MTMR3: variants seen among roughly 807,000 people sequenced by gnomAD.
The protein encoded by MTMR3 is phosphatidylinositol-3,5-bisphosphate 3-phosphatase MTMR3.
In MTMR3, 32 loss-of-function variants were observed where a neutral mutation model predicts 132.4. That is an observed-to-expected ratio of 0.24 (90% CI 0.18 to 0.32). The LOEUF (loss-of-function observed/expected upper bound fraction) is 0.32. Among genes scored for constraint, MTMR3 ranks in the 10% least tolerant of loss-of-function variants. The probability of loss-of-function intolerance (pLI) is 1.00; values close to 1 mark genes in which losing one functional copy is unlikely to be tolerated. For missense variants in MTMR3, 1,216 were observed against 1,489.6 expected (o/e 0.82, Z 3.02); for synonymous variants, 556 against 550.3 (o/e 1.01, Z -0.14).
In MTMR3 at chr22:29,941,143, C is replaced by G. The variant is rs71331221; in HGVS notation, c.-137-15893C>G. On this transcript the variant is annotated intron_variant, in intron 1 of 19. Transcript: ENST00000401950. ...AAAAATTAGTTTCGTCCTTGAACTT[C>G]ATGTAAATGGAATCATACAATATTC... Among the ~76,000 whole-genome samples, 1,436 of 151,516 alleles carry G rather than the reference C, an allele frequency of 9.5e-3. 34 individuals carry two copies. The highest frequency in any genetic ancestry group is 0.027 in the Middle Eastern group (8 of 294).
At chr22:29,927,357 A>G (rs2065537377) in intron 1 of MTMR3, among the ~76,000 whole-genome samples, 1 of 152,088 alleles carries the variant, frequency 6.6e-6, no homozygotes, top group Non-Finnish European at 1.5e-5. Flanking sequence ...TTGCACATGA[A>G]TTTTAGGATC....
intron 2 of MTMR3, among the ~76,000 whole-genome samples, chr22:29,968,228 C>T (rs1422179345): frequency 6.6e-6 from 1 of 152,152 alleles, no homozygotes; most frequent in Non-Finnish European, 1.5e-5. Context: ...TTCACCTTCA[C>T]ATTCCATCTA....
chr22:29,931,013 G>GA lies in MTMR3; in HGVS notation c.-137-26004dup, dbSNP rs963131752. 9.5e-3 allele frequency among the ~76,000 whole-genome samples: 680 copies of GA among 71,680 alleles called. 1 individual carries two copies. Among genetic ancestry groups the GA allele is most frequent in the Middle Eastern group, 0.034 (4 of 116 alleles). 47.0% of individuals were successfully genotyped at this position (71,680 alleles called of 152,430 possible). Reference sequence around the variant, plus strand: ...CAGAGTGTGAGACGCTGTCTCAAAAGAAAAAAAAAAAAAAAAAAACTTAAA... The same window carrying GA: ...CAGAGTGTGAGACGCTGTCTCAAAAGAAAAAAAAAAAAAAAAAAAACTTAAA... On this transcript the variant is annotated intron_variant, in intron 1 of 19. Coordinates refer to ENST00000401950, the MANE Select transcript of MTMR3 (RefSeq NM_021090.4).
intron 1 of MTMR3, among the ~76,000 whole-genome samples, chr22:29,888,308 A>G (rs1349028105): frequency 6.6e-6 from 1 of 152,058 alleles, no homozygotes; most frequent in African/African-American, 2.4e-5. Context: ...TGGCCTCCCA[A>G]AGTGCTGGGA....
At chr22:29,902,413 T>G (rs2065018421) in intron 1 of MTMR3, among the ~76,000 whole-genome samples, 1 of 150,756 alleles carries the variant, frequency 6.6e-6, no homozygotes. Context: ...AAAGTTTTTT[T>G]TTTTTTTTTT....
intron 1 of MTMR3, among the ~76,000 whole-genome samples, chr22:29,931,668 C>T (rs1451852451): frequency 1.3e-5 from 2 of 152,138 alleles, no homozygotes; most frequent in Admixed American, 1.3e-4. Flanking sequence ...CTGCCTTGGC[C>T]TTCCAAAGTG....
At chr22:29,953,196 A>C (rs1044713485) in intron 1 of MTMR3, among the ~76,000 whole-genome samples, 10 of 152,214 alleles carry the variant, frequency 6.6e-5, no homozygotes, top group African/African-American at 2.4e-4. Flanking sequence ...TGTAGAAAGT[A>C]TTCTGTTGTT....
At chr22:29,969,085 T>A (rs905393638) in intron 2 of MTMR3, among the ~76,000 whole-genome samples, 7 of 152,234 alleles carry the variant, frequency 4.6e-5, no homozygotes, top group Non-Finnish European at 1.0e-4. Context: ...ATCTTCTTGA[T>A]CTCTAGTCTG....
Position 30,025,534 on chromosome 22 carries a change from C to A in MTMR3, c.3426-96C>A, listed in dbSNP as rs1368074553. 32 of 1,337,036 alleles carry A rather than the reference C, an allele frequency of 2.4e-5. 2 individuals carry two copies. The Admixed American group carries it at 5.7e-4, about 24-fold the overall frequency. 82.8% of individuals were successfully genotyped at this position (1,337,036 alleles called of 1,614,324 possible). A position where few individuals can be genotyped will look rare whatever the true frequency, so the allele number is the denominator to read the frequency against. ...TGATCTCAAGGAGCTCCAGCACATG[C>A]AAATTACACACGGCAAAGTTTGTCT... On this transcript the variant is annotated intron_variant, in intron 19 of 19. Transcript: ENST00000401950.
chr22:30,022,709 G>A lies in MTMR3; in HGVS notation c.3425+12G>A, dbSNP rs771214204. 8.7e-6 allele frequency: 14 copies of A among 1,602,078 alleles called. No individual in the cohort carries two copies. The highest frequency in any genetic ancestry group is 1.2e-5 in the Non-Finnish European group (14 of 1,177,584). On this transcript the variant is annotated intron_variant, in intron 19 of 19. Coordinates refer to ENST00000401950, the MANE Select transcript of MTMR3 (RefSeq NM_021090.4). ...AAGCACCACTGCAGGTACCATTGAG[G>A]GGCTGTGGTAGGGTGGGCTGTGTGT...
At chr22:29,912,654 C>T (rs1431389663) in intron 1 of MTMR3, among the ~76,000 whole-genome samples, 1 of 152,118 alleles carries the variant, frequency 6.6e-6, no homozygotes, top group Non-Finnish European at 1.5e-5. Flanking sequence ...CCCCATTTGC[C>T]TGGAGGTAAT....
intron 1 of MTMR3, among the ~76,000 whole-genome samples, chr22:29,902,846 A>G (rs556746364): frequency 6.6e-6 from 1 of 152,304 alleles, no homozygotes; most frequent in South Asian, 2.1e-4. Context: ...TTAATAAATT[A>G]TCTTCTTTGT....
At chr22:29,896,921 C>T (rs553017241) in intron 1 of MTMR3, among the ~76,000 whole-genome samples, 2 of 105,424 alleles carry the variant, frequency 1.9e-5, no homozygotes, top group East Asian at 5.7e-4. Context: ...ACACAAATCC[C>T]ATATAGAATC....
Position 29,957,089 on chromosome 22 carries a change from G to C in MTMR3, c.-85+1G>C, listed in dbSNP as rs974830368. 1 of 152,094 alleles carries C rather than the reference G, an allele frequency of 6.6e-6. No individual in the cohort carries two copies. The highest frequency in any genetic ancestry group is 1.5e-5 in the Non-Finnish European group (1 of 68,006). The allele number at this position is 152,094 out of a possible 1,614,324, so 9.4% of individuals were successfully genotyped here. On this transcript the variant is annotated splice_donor_variant, in intron 2 of 19. Transcript: ENST00000401950. LOFTEE classifies it low-confidence loss of function (5UTR_SPLICE). ...AAGTTCTTGGGACAAACTTCATTTG[G>C]TAAGTTTGTTTCTCCCCTCCTGCCA...
At chr22:29,931,491 T>C (rs2065642878) in intron 1 of MTMR3, among the ~76,000 whole-genome samples, 1 of 152,204 alleles carries the variant, frequency 6.6e-6, no homozygotes, top group African/African-American at 2.4e-5. Context: ...GCATGATCAC[T>C]GCAACTTCCG....
chr22:29,905,821 A>G (rs557837525), intron 1 of MTMR3, among the ~76,000 whole-genome samples: 2 of 152,232 alleles, frequency 1.3e-5, no homozygotes, highest in African/African-American at 4.8e-5. Context: ...TTTGGTGCAT[A>G]TTTTAAATTT....
chr22:29,994,788 G>A (rs569725979), intron 7 of MTMR3: 2 of 152,332 alleles, frequency 1.3e-5, no homozygotes, highest in South Asian at 4.1e-4. Flanking sequence ...TGTTGAACCG[G>A]TCATAGTTAA....
rs772808180 is a variant in MTMR3, at chr22:30,013,435, C to T, written c.1397C>T (p.Ser466Leu). The part of the protein sequence containing the change: ...FADRCGHGEN[S>L]DDLNERCPVF... ...GACCGGTGTGGTCATGGGGAGAACT[C>T]GGATGATCTGAATGAACGTTGCCCA... Residue 466 changes from serine (S) to leucine (L), a missense_variant, in exon 14 of 20, where the codon TCG becomes TTG. By Grantham distance (145) the Ser-to-Leu change is moderately radical. Coordinates refer to ENST00000401950, the MANE Select transcript of MTMR3 (RefSeq NM_021090.4). 3.6e-5 allele frequency: 58 copies of T among 1,614,064 alleles called. No individual in the cohort carries two copies. Among genetic ancestry groups the T allele is most frequent in the Non-Finnish European group, 4.6e-5 (54 of 1,179,980 alleles).
intron 1 of MTMR3, among the ~76,000 whole-genome samples, chr22:29,915,906 A>T (rs2065299372): frequency 6.6e-6 from 1 of 151,848 alleles, no homozygotes; most frequent in African/African-American, 2.4e-5. Context: ...TTTAGTGGAG[A>T]TATACTTATT....
Sources: gnomAD v4.1 joint callset for allele counts (sites outside exome capture counted in the v4.1 genomes callset) on GRCh38, gnomAD v4.1.1 for gene constraint, MANE v1.5 for transcripts, NCBI Gene and HGNC (gene_info 2026-07-23, HGNC 2026-07-21) for gene names.